Variants in DDAH1 observed in about 807,000 individuals in gnomAD.
The protein encoded by DDAH1 is dimethylarginine dimethylaminohydrolase 1.
In DDAH1, 19 loss-of-function variants were observed where a neutral mutation model predicts 28.8. The ratio of observed to expected loss-of-function variants is 0.66; its 90% CI spans 0.46 to 0.97. The LOEUF (loss-of-function observed/expected upper bound fraction) is 0.97, where lower values mean the gene tolerates loss of function less well. DDAH1 is among the 50% of genes least tolerant of loss of function. The pLI, the probability that DDAH1 is intolerant of heterozygous loss-of-function variation, is 0.00. For missense variants in DDAH1, 326 were observed against 375.9 expected (o/e 0.87, Z 1.10); for synonymous variants, 153 against 154.4 (o/e 0.99, Z 0.07).
At chr1:85,478,403 A>T (rs572813807) in intron 2 of DDAH1, among the ~76,000 whole-genome samples, 27 of 152,352 alleles carry the variant, frequency 1.8e-4, no homozygotes, top group African/African-American at 6.3e-4. Flanking sequence ...GAAGTTTAAT[A>T]GACTCACAGT....
chr1:85,451,380 G>T (rs1654664421), intron 1 of DDAH1, among the ~76,000 whole-genome samples: 1 of 152,162 alleles, frequency 6.6e-6, no homozygotes, highest in South Asian at 2.1e-4. Context: ...ATCACTGATG[G>T]AAGAGCTACT....
At chr1:85,450,057 C>A (rs746816133) in intron 1 of DDAH1, among the ~76,000 whole-genome samples, 3 of 152,190 alleles carry the variant, frequency 2.0e-5, no homozygotes, top group Non-Finnish European at 2.9e-5. Flanking sequence ...AGCTGATACT[C>A]AGGTCTTTTG....
upstream of DDAH1, chr1:85,465,186 C>G (rs929469672): frequency 3.5e-6 from 4 of 1,135,700 alleles, no homozygotes; most frequent in African/African-American, 3.3e-5. Context: ...AGCTCGCGCC[C>G]GGAGCCCTGC....
intron 2 of DDAH1, among the ~76,000 whole-genome samples, chr1:85,478,650 A>G (rs906345978): frequency 2.0e-5 from 3 of 152,194 alleles, no homozygotes; most frequent in East Asian, 1.9e-4. Context: ...ATTCAAGATG[A>G]TATTCGGGTG....
chr1:85,381,946 T>TG (rs1187736717), intron 1 of DDAH1, among the ~76,000 whole-genome samples: 1 of 152,190 alleles, frequency 6.6e-6, no homozygotes, highest in Admixed American at 6.6e-5. Flanking sequence ...CTCCCTCTCC[T>TG]GGGGGTCTAC....
Position 85,464,917 on chromosome 1 carries a change from C to T in DDAH1, c.129G>A (p.Ala43=). The T allele has an allele frequency of 1.3e-6, 2 of 1,556,800 alleles. No individual in the cohort carries two copies. Among genetic ancestry groups the T allele is most frequent in the Non-Finnish European group, 1.7e-6 (2 of 1,162,424 alleles). The change falls in exon 1 of 6, where the codon GCG becomes GCA. Residue 43 remains alanine (A), a synonymous_variant. Coordinates refer to ENST00000284031, the MANE Select transcript of DDAH1 (RefSeq NM_012137.4). This position sits in a 1 kb window ranked among gnomAD's most constrained non-coding sequence, Gnocchi z 4.4. ...AKGEEVDVAR[A]ERQHQLYVGV... ...CCACGTAGAGCTGGTGCTGCCGTTC[C>T]GCGCGGGCGACGTCCACCTCCTCGC...
chr1:85,323,534 G>A (rs112944067), intron 5 of DDAH1, among the ~76,000 whole-genome samples: 4 of 152,298 alleles, frequency 2.6e-5, no homozygotes, highest in Admixed American at 6.5e-5. Flanking sequence ...CTCCTGGAGC[G>A]ACCAGTTGGC....
intron 1 of DDAH1, among the ~76,000 whole-genome samples, chr1:85,420,489 G>A (rs1480161606): frequency 1.3e-5 from 2 of 152,200 alleles, no homozygotes; most frequent in East Asian, 3.9e-4. Flanking sequence ...CTGCCAGATA[G>A]ATACCCTAGG....
chr1:85,556,808 C>G (rs1466445222), intron 1 of DDAH1, among the ~76,000 whole-genome samples: 1 of 152,190 alleles, frequency 6.6e-6, no homozygotes, highest in Non-Finnish European at 1.5e-5. Flanking sequence ...TATTTCTATA[C>G]AGAATTTTTT....
rs1366459456 is a variant in DDAH1, at chr1:85,336,590, G to T, written c.598-11707C>A. On this transcript the variant is annotated intron_variant, in intron 4 of 5. Coordinates refer to ENST00000284031, the MANE Select transcript of DDAH1 (RefSeq NM_012137.4). ...AATGCCAACATTAAAAAAGTAGAAA[G>T]ATTTCAAAAAAACAACCTAATGTTG... is the stretch of plus-strand genomic sequence containing the variant. Among the ~76,000 whole-genome samples, 51 of 151,700 alleles carry T rather than the reference G, an allele frequency of 3.4e-4. 1 individual carries two copies. Among genetic ancestry groups the T allele is most frequent in the Non-Finnish European group, 1.5e-5 (1 of 67,922 alleles).
intron 1 of DDAH1, among the ~76,000 whole-genome samples, chr1:85,509,848 C>A (rs568765216): frequency 9.9e-5 from 15 of 152,038 alleles, no homozygotes; most frequent in African/African-American, 3.6e-4. Flanking sequence ...GTGAAAAGAC[C>A]AAATCTACAT....
chr1:85,542,082 A>T (rs116415144), intron 1 of DDAH1, among the ~76,000 whole-genome samples: 2,342 of 152,338 alleles, frequency 0.015, 24 homozygotes, highest in Middle Eastern at 0.037. Context: ...AAATGAATAA[A>T]CTGAGGCTGA....
intron 2 of DDAH1, among the ~76,000 whole-genome samples, chr1:85,476,584 G>C (rs1364929931): frequency 1.3e-5 from 2 of 152,072 alleles, no homozygotes; most frequent in East Asian, 1.9e-4. Flanking sequence ...CTCATTTCTT[G>C]GTGGTTGGCT....
chr1:85,366,314 T>C (rs574249850), intron 1 of DDAH1, among the ~76,000 whole-genome samples: 5 of 152,310 alleles, frequency 3.3e-5, no homozygotes, highest in South Asian at 2.1e-4. Context: ...TTCCCTCTTA[T>C]TGAACTTTTG....
At chr1:85,543,303 G>A (rs1055529317) in intron 1 of DDAH1, among the ~76,000 whole-genome samples, 4 of 152,084 alleles carry the variant, frequency 2.6e-5, no homozygotes, top group African/African-American at 9.7e-5. Flanking sequence ...ACATTTTGTT[G>A]TTTTGAAGAG....
chr1:85,401,939 A>G (rs1353229215), intron 1 of DDAH1, among the ~76,000 whole-genome samples: 5 of 152,152 alleles, frequency 3.3e-5, no homozygotes, highest in Admixed American at 3.3e-4. Context: ...ACTATTTTGC[A>G]TCTTGTTCCT....
chr1:85,465,227 G>A (rs949170035), upstream of DDAH1: 5 of 1,107,802 alleles, frequency 4.5e-6, no homozygotes, highest in African/African-American at 5.0e-5. Flanking sequence ...AGAGCTCCGG[G>A]CGCCGGCCCG....
intron 1 of DDAH1, among the ~76,000 whole-genome samples, chr1:85,520,072 A>C (rs1396410000): frequency 6.6e-6 from 1 of 151,912 alleles, no homozygotes; most frequent in South Asian, 2.1e-4. Context: ...GCAGTACCCA[A>C]TGTGTAGTCT....
At chr1:85,564,342 A>T (rs1659223651) in intron 1 of DDAH1, among the ~76,000 whole-genome samples, 1 of 152,232 alleles carries the variant, frequency 6.6e-6, no homozygotes, top group East Asian at 1.9e-4. Context: ...TAAAAGTAAA[A>T]AACAAAGAGA....
Sources: gnomAD v4.1 joint callset for allele counts (sites outside exome capture counted in the v4.1 genomes callset) on GRCh38, gnomAD v4.1.1 for gene constraint, Gnocchi (gnomAD v3.1) non-coding constraint, MANE v1.5 for transcripts, NCBI Gene and HGNC (gene_info 2026-07-23, HGNC 2026-07-21) for gene names.